Variants in SLMAP observed in about 807,000 individuals in gnomAD.
SLMAP encodes sarcolemmal membrane-associated protein.
Under a neutral mutation model 128.8 loss-of-function variants are expected in SLMAP, and 44 were observed. The observed-to-expected ratio is 0.34, with a 90% CI of 0.27 to 0.44. The LOEUF (loss-of-function observed/expected upper bound fraction) is 0.44, where lower values mean the gene tolerates loss of function less well. Ranked by LOEUF, SLMAP falls within the 20% of genes least tolerant of loss-of-function variation. The pLI is 1.00. For missense variants in SLMAP, 787 were observed against 985.3 expected (o/e 0.80, Z 2.69); for synonymous variants, 327 against 348.8 (o/e 0.94, Z 0.70).
chr3:57,761,172 G>A (rs2078561078), intron 2 of SLMAP, among the ~76,000 whole-genome samples: 1 of 152,162 alleles, frequency 6.6e-6, no homozygotes, highest in Admixed American at 6.6e-5. Flanking sequence ...TGTTTAGTGG[G>A]GAAGAGGGAA....
At chr3:57,828,789 A>AT (rs1171816858) in intron 2 of SLMAP, among the ~76,000 whole-genome samples, 1 of 151,858 alleles carries the variant, frequency 6.6e-6, no homozygotes, top group Non-Finnish European at 1.5e-5. Flanking sequence ...AAGAAAAAAA[A>AT]TTTTTTTTGA....
rs149221467 is a variant in SLMAP, at chr3:57,825,639, A to T, written c.199-5744A>T. 4.1e-3 allele frequency among the ~76,000 whole-genome samples: 626 copies of T among 151,990 alleles called. 6 individuals are homozygous for T. Among genetic ancestry groups the T allele is most frequent in the African/African-American group, 0.015 (609 of 41,466 alleles). On this transcript the variant is annotated intron_variant, in intron 2 of 24. Transcript: ENST00000671191. ...GCCAGCCACTTTTACAGCTTGGATG[A>T]GTTCTGAGTTAGGCAAAACAAAGAT...
intron 14 of SLMAP, among the ~76,000 whole-genome samples, chr3:57,875,119 T>C (rs1387974492): frequency 6.6e-6 from 1 of 152,154 alleles, no homozygotes; most frequent in Non-Finnish European, 1.5e-5. Flanking sequence ...TAAAATGATG[T>C]TTATGAGGAC....
At chr3:57,905,166 G>A (rs571134216) in intron 17 of SLMAP, among the ~76,000 whole-genome samples, 12 of 151,794 alleles carry the variant, frequency 7.9e-5, no homozygotes, top group Admixed American at 2.0e-4. Context: ...CTTAAGAAGT[G>A]TGTGTGTGGT....
At chr3:57,924,446 G>A (rs556975275) in intron 23 of SLMAP, among the ~76,000 whole-genome samples, 1 of 150,212 alleles carries the variant, frequency 6.7e-6, no homozygotes, top group African/African-American at 2.4e-5. Context: ...TCAGCTCACC[G>A]CAACATCCAC....
At chr3:57,922,108 A>G (rs183487212) in intron 22 of SLMAP, among the ~76,000 whole-genome samples, 79 of 152,296 alleles carry the variant, frequency 5.2e-4, no homozygotes, top group Admixed American at 2.6e-3. Flanking sequence ...CTTATCCAGA[A>G]CACTTTAATA....
At chr3:57,789,534 G>A (rs2084980225) in intron 2 of SLMAP, among the ~76,000 whole-genome samples, 1 of 152,100 alleles carries the variant, frequency 6.6e-6, no homozygotes, top group African/African-American at 2.4e-5. Context: ...CGAGGTTGAG[G>A]GGGTTCTGGC....
chr3:57,887,333 G>C (rs1035144208), intron 14 of SLMAP, among the ~76,000 whole-genome samples: 1 of 151,032 alleles, frequency 6.6e-6, no homozygotes, highest in Non-Finnish European at 1.5e-5. Context: ...GGGTTCAAAC[G>C]GTTCTCCTGC....
chr3:57,846,554 A>ATT (rs1161889766), intron 4 of SLMAP, among the ~76,000 whole-genome samples: 199 of 135,994 alleles, frequency 1.5e-3, no homozygotes, highest in African/African-American at 4.1e-3. Flanking sequence ...AAAATGGATA[A>ATT]TTTTTTTTTT....
chr3:57,823,132 C>CA (rs532059151), intron 2 of SLMAP, among the ~76,000 whole-genome samples: 74 of 152,232 alleles, frequency 4.9e-4, no homozygotes, highest in Non-Finnish European at 8.5e-4. Flanking sequence ...GAAAAATGGA[C>CA]AGAAACCATC....
rs1017013321 is a variant in SLMAP at position 57,860,731 on chromosome 3, T to G, written c.720T>G (p.Leu240=). 5.7e-6 allele frequency: 9 copies of G among 1,588,564 alleles called. No homozygotes were observed. Among genetic ancestry groups the G allele is most frequent in the Non-Finnish European group, 7.7e-6 (9 of 1,173,016 alleles). Reference sequence around the variant, plus strand: ...CAGAAGATAGTTTACGAAAGGAACTTATAGCATTACAAGAGGATAAACATA... The same window carrying G: ...CAGAAGATAGTTTACGAAAGGAACTGATAGCATTACAAGAGGATAAACATA... ...NQTEDSLRKE[L]IALQEDKHNY... is the part of the protein sequence containing the mutation. The change falls in exon 9 of 25, where the codon CTT becomes CTG. Residue 240 remains leucine (L), a synonymous_variant. Coordinates refer to ENST00000671191, the MANE Select transcript of SLMAP (RefSeq NM_001377540.1).
At chr3:57,840,258 TTA>T (rs1273127558) in intron 3 of SLMAP, among the ~76,000 whole-genome samples, 1 of 152,258 alleles carries the variant, frequency 6.6e-6, no homozygotes, top group Non-Finnish European at 1.5e-5. Flanking sequence ...CCGGCCAACA[TTA>T]GCTCTATTCT....
intron 2 of SLMAP, among the ~76,000 whole-genome samples, chr3:57,826,626 C>G (rs182794180): frequency 6.6e-6 from 1 of 152,144 alleles, no homozygotes; most frequent in Non-Finnish European, 1.5e-5. Context: ...GCAGTTTTCC[C>G]TCAGTTTGGA....
chr3:57,815,489 TATC>T (rs1205961926), intron 2 of SLMAP, among the ~76,000 whole-genome samples: 5 of 152,206 alleles, frequency 3.3e-5, no homozygotes, highest in African/African-American at 9.7e-5. Flanking sequence ...TTACCATAAA[TATC>T]ATGGTTATTT....
At chr3:57,880,425 A>T in intron 14 of SLMAP, among the ~76,000 whole-genome samples, 1 of 151,344 alleles carries the variant, frequency 6.6e-6, no homozygotes, top group Non-Finnish European at 1.5e-5. Flanking sequence ...CTGGTCTCGA[A>T]CTCCTGACCT....
intron 5 of SLMAP, among the ~76,000 whole-genome samples, chr3:57,848,709 C>CTTTTTTTTTTTT (rs34568039): frequency 1.9e-5 from 2 of 103,596 alleles, no homozygotes; most frequent in Non-Finnish European, 1.8e-5. Context: ...CCTCCTACTC[C>CTTTTTTTTTTTT]TTTTTTTTTT....
chr3:57,784,382 T>C (rs2083660182), intron 2 of SLMAP, among the ~76,000 whole-genome samples: 1 of 152,194 alleles, frequency 6.6e-6, no homozygotes, highest in African/African-American at 2.4e-5. Context: ...ATTTTGGACA[T>C]GGCGTCAAAG....
At chr3:57,900,036 AGACT>A (rs1210314566) in intron 17 of SLMAP, 1 of 152,196 alleles carries the variant, frequency 6.6e-6, no homozygotes, top group Non-Finnish European at 1.5e-5. Context: ...TAGGTTCAAT[AGACT>A]GACATAATTT....
At chr3:57,823,356 G>T (rs1023495530) in intron 2 of SLMAP, among the ~76,000 whole-genome samples, 19 of 152,060 alleles carry the variant, frequency 1.2e-4, no homozygotes, top group African/African-American at 4.6e-4. Flanking sequence ...ATCTCCTAAT[G>T]CTATCCCTCC....
Sources: gnomAD v4.1 joint callset for allele counts (sites outside exome capture counted in the v4.1 genomes callset) on GRCh38, gnomAD v4.1.1 for gene constraint, MANE v1.5 for transcripts, NCBI Gene and HGNC (gene_info 2026-07-23, HGNC 2026-07-21) for gene names.